Variants in TESC observed in about 807,000 individuals in gnomAD.
TESC encodes the protein calcineurin B homologous protein 3.
In TESC, 19 loss-of-function variants were observed where a neutral mutation model predicts 31.0. The observed-to-expected ratio is 0.61, with a 90% CI of 0.43 to 0.90. The LOEUF is 0.90. TESC is among the 40% of genes least tolerant of loss of function. TESC has a pLI of 0.00. For synonymous variants in TESC, 109 were observed against 114.8 expected (o/e 0.95, Z 0.32); for missense variants, 248 against 303.8 (o/e 0.82, Z 1.36).
chr12:117,089,042 G>T (rs1023100541), intron 1 of TESC, among the ~76,000 whole-genome samples: 1 of 152,176 alleles, frequency 6.6e-6, no homozygotes, highest in African/African-American at 2.4e-5. Flanking sequence ...AATACAAAAG[G>T]CTGCCTCTGC....
chr12:117,098,591 C>G (rs1955426160), intron 1 of TESC: 1 of 152,280 alleles, frequency 6.6e-6, no homozygotes, highest in Non-Finnish European at 1.5e-5. Context: ...GGCGCGCAGC[C>G]TTTGCTGGTC....
chr12:117,098,542 C>T (rs1052010136), intron 1 of TESC: 1 of 152,416 alleles, frequency 6.6e-6, no homozygotes, highest in Non-Finnish European at 1.5e-5. Flanking sequence ...GGCAGCTCGG[C>T]CAGGCCTCCC....
intron 3 of TESC, among the ~76,000 whole-genome samples, chr12:117,050,051 C>T (rs990278004): frequency 5.9e-5 from 9 of 152,020 alleles, no homozygotes; most frequent in African/African-American, 2.2e-4. Flanking sequence ...CATCCTCCTG[C>T]CTTGGTCTCC....
intron 6 of TESC, among the ~76,000 whole-genome samples, chr12:117,046,019 T>C (rs983703675): frequency 6.6e-6 from 1 of 152,182 alleles, no homozygotes; most frequent in African/African-American, 2.4e-5. Flanking sequence ...AGGCAAGATG[T>C]AATAAATGAT....
chr12:117,052,869 T>G (rs2135756285), intron 3 of TESC, among the ~76,000 whole-genome samples: 1 of 152,122 alleles, frequency 6.6e-6, no homozygotes, highest in Non-Finnish European at 1.5e-5. Context: ...GCACTCCAAG[T>G]GCAGCCGGAA....
At chr12:117,054,203 A>G (rs1954689126) in intron 3 of TESC, among the ~76,000 whole-genome samples, 1 of 151,956 alleles carries the variant, frequency 6.6e-6, no homozygotes, top group African/African-American at 2.4e-5. Flanking sequence ...CCCCTGACCC[A>G]AGCCCGGGAC....
At chr12:117,066,600 C>T (rs191639197) in intron 2 of TESC, among the ~76,000 whole-genome samples, 115 of 152,172 alleles carry the variant, frequency 7.6e-4, no homozygotes, top group Non-Finnish European at 1.5e-3. Flanking sequence ...CTCCTGACCT[C>T]GTGATCCGCC....
At chr12:117,051,080 C>A (rs890897764) in intron 3 of TESC, among the ~76,000 whole-genome samples, 1 of 152,220 alleles carries the variant, frequency 6.6e-6, no homozygotes, top group African/African-American at 2.4e-5. Context: ...TCTGCCACAG[C>A]CTCTCACTGT....
At chr12:117,087,100 G>T (rs571153787) in intron 1 of TESC, among the ~76,000 whole-genome samples, 1 of 152,198 alleles carries the variant, frequency 6.6e-6, no homozygotes, top group Non-Finnish European at 1.5e-5. Context: ...CTGGATGCTG[G>T]CTCCTCTCCT....
chr12:117,056,758 C>T, intron 3 of TESC, 48 bp downstream of exon 3: 1 of 1,585,564 alleles, frequency 6.3e-7, no homozygotes, highest in Middle Eastern at 1.7e-4. Context: ...AGATGTTACA[C>T]AAGACAAGGG....
At chr12:117,067,487 G>T (rs1008855585) in intron 2 of TESC, among the ~76,000 whole-genome samples, 1 of 152,100 alleles carries the variant, frequency 6.6e-6, no homozygotes, top group Non-Finnish European at 1.5e-5. Context: ...CAGGATGATC[G>T]CTTGAGCCCG....
chr12:117,046,571 G>C lies in TESC; in HGVS notation c.507C>G (p.Cys169Trp). The change falls in exon 6 of 8, where the codon TGC becomes TGG. Residue 169 changes from cysteine (C) to tryptophan (W), a missense_variant. Transcript: ENST00000335209. The part of the protein sequence containing the change: ...DGAMMEAASV[C>W]MGQMEPDQVY... ...CAGGGGCGCTCACCATCTGCCCCAT[G>C]CACACGCTGGCCGCCTCCATCATGG... 1 of 1,550,660 alleles carries C rather than the reference G, an allele frequency of 6.4e-7. No individual in the cohort carries two copies. The highest frequency in any genetic ancestry group is 8.7e-7 in the Non-Finnish European group (1 of 1,146,800).
At chr12:117,065,672 T>C (rs1954868617) in intron 2 of TESC, among the ~76,000 whole-genome samples, 2 of 152,010 alleles carry the variant, frequency 1.3e-5, no homozygotes, top group South Asian at 4.1e-4. Flanking sequence ...GAGGACTCCT[T>C]GAGCCCAGGA....
intron 1 of TESC, 44 bp downstream of exon 1, chr12:117,099,181 G>A (rs906244185): frequency 3.9e-5 from 58 of 1,469,218 alleles, no homozygotes; most frequent in Non-Finnish European, 4.2e-5. Flanking sequence ...TGGCCGTTCG[G>A]AGGTCCCGCC....
chr12:117,075,490 G>C (rs752059435), intron 1 of TESC, 150 bp from the exon 2 acceptor site: 31 of 770,008 alleles, frequency 4.0e-5, no homozygotes, highest in Admixed American at 1.3e-4. Context: ...CGAGTGCCGG[G>C]TGAAGCAGCA....
chr12:117,085,711 G>A (rs139951355), intron 1 of TESC, among the ~76,000 whole-genome samples: 99 of 152,328 alleles, frequency 6.5e-4, no homozygotes, highest in Admixed American at 2.8e-3. Context: ...TGGATGGAAA[G>A]GTGAGCTCCT....
At chr12:117,045,016 G>A (rs1016798527) in intron 6 of TESC, among the ~76,000 whole-genome samples, 9 of 152,238 alleles carry the variant, frequency 5.9e-5, no homozygotes, top group Non-Finnish European at 1.0e-4. Flanking sequence ...CGGTCAGAAC[G>A]GGAAGTGTCC....
chr12:117,071,766 G>C (rs868076680), intron 2 of TESC, among the ~76,000 whole-genome samples: 5 of 152,282 alleles, frequency 3.3e-5, no homozygotes, highest in African/African-American at 1.2e-4. Context: ...GCCTGGGCAG[G>C]TGAGGCCTGG....
At chr12:117,061,177 T>G (rs1954796357) in intron 2 of TESC, among the ~76,000 whole-genome samples, 1 of 151,994 alleles carries the variant, frequency 6.6e-6, no homozygotes, top group South Asian at 2.1e-4. Flanking sequence ...GAACTGGGAG[T>G]GCACCACAGA....
Sources: gnomAD v4.1 joint callset for allele counts (sites outside exome capture counted in the v4.1 genomes callset) on GRCh38, gnomAD v4.1.1 for gene constraint, MANE v1.5 for transcripts, NCBI Gene and HGNC (gene_info 2026-07-23, HGNC 2026-07-21) for gene names.